Variants in GALNT13 observed in about 807,000 individuals in gnomAD.
GALNT13 encodes the protein UDP-GalNAc:polypeptide N-acetylgalactosaminyltransferase 13.
A neutral mutation model predicts 64.2 loss-of-function variants in GALNT13; 28 were observed. That is an observed-to-expected ratio of 0.44 (90% CI 0.32 to 0.60). The LOEUF is 0.60. GALNT13 is among the 20% of genes least tolerant of loss of function. The pLI, the probability that GALNT13 is intolerant of heterozygous loss-of-function variation, is 0.05. For synonymous variants in GALNT13, 214 were observed against 224.6 expected (o/e 0.95, Z 0.42); for missense variants, 577 against 669.8 (o/e 0.86, Z 1.53).
At chr2:154,227,948 A>G (rs1688710591) in intron 4 of GALNT13, among the ~76,000 whole-genome samples, 2 of 152,128 alleles carry the variant, frequency 1.3e-5, no homozygotes, top group South Asian at 4.1e-4. Flanking sequence ...TAGTAGTGGT[A>G]TTTCCATTTA....
the GALNT13 span, among the ~76,000 whole-genome samples, chr2:153,752,704 A>G: frequency 6.6e-6 from 1 of 152,048 alleles, no homozygotes; most frequent in Non-Finnish European, 1.5e-5. Flanking sequence ...GAGTTTGATT[A>G]TTAAATACTT....
At chr2:153,255,658 C>G in the GALNT13 span, among the ~76,000 whole-genome samples, 2 of 152,034 alleles carry the variant, frequency 1.3e-5, no homozygotes, top group African/African-American at 2.4e-5. Flanking sequence ...TTAGGGCAGG[C>G]CTGGTGGTGA....
chr2:153,388,702 T>A, the GALNT13 span, among the ~76,000 whole-genome samples: 2 of 152,040 alleles, frequency 1.3e-5, no homozygotes, highest in African/African-American at 4.8e-5. Context: ...GAACATCAAG[T>A]TAGGTGACTT....
chr2:153,082,497 G>A, the GALNT13 span, among the ~76,000 whole-genome samples: 1 of 143,590 alleles, frequency 7.0e-6, no homozygotes, highest in South Asian at 2.2e-4. Context: ...GCTTTTTGTG[G>A]GTGAGTAGTA....
At chr2:154,409,726 A>G (rs1307399276) in intron 11 of GALNT13, among the ~76,000 whole-genome samples, 2 of 151,970 alleles carry the variant, frequency 1.3e-5, no homozygotes, top group African/African-American at 4.8e-5. Flanking sequence ...CTATACCAAC[A>G]AAGCAGAGTT....
chr2:153,630,991 C>T, the GALNT13 span, among the ~76,000 whole-genome samples: 22 of 150,538 alleles, frequency 1.5e-4, no homozygotes, highest in Middle Eastern at 3.4e-3. Context: ...CCCCGGTGTG[C>T]GATGTTCCCC....
the GALNT13 span, among the ~76,000 whole-genome samples, chr2:153,269,044 T>C: frequency 6.6e-6 from 1 of 152,244 alleles, no homozygotes; most frequent in African/African-American, 2.4e-5. Flanking sequence ...TCCATTGTCT[T>C]GGAAATTTAA....
intron 11 of GALNT13, among the ~76,000 whole-genome samples, chr2:154,412,929 T>A (rs545973844): frequency 1.3e-5 from 2 of 152,040 alleles, no homozygotes; most frequent in African/African-American, 2.4e-5. Context: ...TTCATGATAA[T>A]CATTAACACT....
At chr2:153,168,047 A>G in the GALNT13 span, among the ~76,000 whole-genome samples, 1 of 152,218 alleles carries the variant, frequency 6.6e-6, no homozygotes, top group Non-Finnish European at 1.5e-5. Flanking sequence ...AGTAAAGGAC[A>G]GAGGGATTTT....
chr2:154,374,996 T>A (rs1296692798), intron 9 of GALNT13, among the ~76,000 whole-genome samples: 3 of 152,104 alleles, frequency 2.0e-5, no homozygotes, highest in African/African-American at 7.2e-5. Flanking sequence ...AATAATTTTG[T>A]TGTTGTTGTT....
At chr2:154,335,361 C>A (rs1357048409) in intron 9 of GALNT13, among the ~76,000 whole-genome samples, 1 of 151,984 alleles carries the variant, frequency 6.6e-6, no homozygotes, top group Non-Finnish European at 1.5e-5. Flanking sequence ...AACTCCTTAG[C>A]CCTATCCAAG....
chr2:153,866,792 T>G, the GALNT13 span, among the ~76,000 whole-genome samples: 1 of 152,216 alleles, frequency 6.6e-6, no homozygotes, highest in Non-Finnish European at 1.5e-5. Context: ...ATTTACTGAT[T>G]GTGACATTTT....
At chr2:153,136,848 C>CCACACACACACACA in the GALNT13 span, among the ~76,000 whole-genome samples, 7,182 of 148,338 alleles carry the variant, frequency 0.048, 272 homozygotes, top group Admixed American at 0.099. Flanking sequence ...GGTGTTTGCA[C>CCACACACACACACA]CACACACACA....
chr2:153,269,151 A>AATTTTT, the GALNT13 span, among the ~76,000 whole-genome samples: 2 of 151,992 alleles, frequency 1.3e-5, no homozygotes, highest in African/African-American at 4.8e-5. Flanking sequence ...TCAGGCTGCC[A>AATTTTT]ATTTTTAAAA....
chr2:154,447,827 T>C (rs1410706192), intron 12 of GALNT13, among the ~76,000 whole-genome samples: 1 of 151,984 alleles, frequency 6.6e-6, no homozygotes. Context: ...ACAGAGCAAT[T>C]TATGTGTATT....
At chr2:153,867,082 T>C (rs1481979505), upstream of GALNT13, among the ~76,000 whole-genome samples, 1 of 152,230 alleles carries the variant, frequency 6.6e-6, no homozygotes, top group Non-Finnish European at 1.5e-5. Context: ...CTGACATGGT[T>C]ACCACTAAAA....
the GALNT13 span, among the ~76,000 whole-genome samples, chr2:153,426,067 A>C: frequency 6.6e-6 from 1 of 151,896 alleles, no homozygotes; most frequent in Non-Finnish European, 1.5e-5. Context: ...AGCTGAGTTT[A>C]TGATTTAATA....
the GALNT13 span, among the ~76,000 whole-genome samples, chr2:153,632,405 G>T: frequency 6.6e-6 from 1 of 151,912 alleles, no homozygotes; most frequent in Non-Finnish European, 1.5e-5. Flanking sequence ...TCCTTTGTGT[G>T]GTGGGGTTTT....
chr2:154,160,218 G>T (rs891060306), intron 4 of GALNT13, among the ~76,000 whole-genome samples: 2 of 151,996 alleles, frequency 1.3e-5, no homozygotes, highest in African/African-American at 4.8e-5. Context: ...TCTCCAATGC[G>T]GCATGCATTT....
Sources: gnomAD v4.1 joint callset for allele counts (sites outside exome capture counted in the v4.1 genomes callset) on GRCh38, gnomAD v4.1.1 for gene constraint, MANE v1.5 for transcripts, NCBI Gene and HGNC (gene_info 2026-07-23, HGNC 2026-07-21) for gene names.